NT5DC1: variants seen among roughly 807,000 people sequenced by gnomAD.
The protein encoded by NT5DC1 is 5'-nucleotidase domain-containing protein 1.
NT5DC1 carries 42 observed loss-of-function variants against 59.4 expected under a neutral mutation model. The observed-to-expected ratio is 0.71, with a 90% confidence interval of 0.55 to 0.92. The LOEUF is 0.92. Ranked by LOEUF, NT5DC1 falls within the 40% of genes least tolerant of loss-of-function variation. NT5DC1 has a pLI of 0.00. For synonymous variants in NT5DC1, 172 were observed against 188.1 expected (o/e 0.91, Z 0.70); for missense variants, 501 against 537.1 (o/e 0.93, Z 0.66).
intron 1 of NT5DC1, among the ~76,000 whole-genome samples, chr6:116,101,860 C>G (rs1778664424): frequency 6.6e-6 from 1 of 152,124 alleles, no homozygotes; most frequent in African/African-American, 2.4e-5. Flanking sequence ...AGCATCCAGA[C>G]AGAAAAAGAG....
chr6:116,115,814 C>A, intron 5 of NT5DC1, 44 bp downstream of exon 5: 2 of 975,248 alleles, frequency 2.1e-6, no homozygotes, highest in South Asian at 2.8e-5. Context: ...TGTAGTCAGT[C>A]ATAAATTGGA....
intron 6 of NT5DC1, among the ~76,000 whole-genome samples, chr6:116,213,655 A>G (rs971763989): frequency 2.0e-5 from 3 of 152,068 alleles, no homozygotes; most frequent in Non-Finnish European, 2.9e-5. Context: ...TAAATTTAAC[A>G]TCTGTTCTAT....
chr6:116,190,233 G>T (rs935387846), intron 6 of NT5DC1, among the ~76,000 whole-genome samples: 7 of 151,768 alleles, frequency 4.6e-5, no homozygotes, highest in Non-Finnish European at 7.4e-5. Flanking sequence ...AGCATTCCCT[G>T]AGCCAAAACA....
chr6:116,111,755 G>A (rs781300269), intron 4 of NT5DC1, among the ~76,000 whole-genome samples: 1 of 152,118 alleles, frequency 6.6e-6, no homozygotes, highest in Non-Finnish European at 1.5e-5. Flanking sequence ...TTGCTTGTTT[G>A]TTTTTATAGC....
At chr6:116,149,299 T>G (rs1436631111) in intron 6 of NT5DC1, among the ~76,000 whole-genome samples, 1 of 152,228 alleles carries the variant, frequency 6.6e-6, no homozygotes, top group Non-Finnish European at 1.5e-5. Context: ...TATGTTTTCA[T>G]CACTGCAAAA....
At chr6:116,145,887 G>A (rs151228695) in intron 6 of NT5DC1, among the ~76,000 whole-genome samples, 44 of 152,236 alleles carry the variant, frequency 2.9e-4, no homozygotes, top group Admixed American at 1.2e-3. Context: ...TTATGTGATG[G>A]TATTTGAGAG....
intron 1 of NT5DC1, among the ~76,000 whole-genome samples, chr6:116,101,732 C>T (rs796078981): frequency 2.0e-4 from 30 of 152,334 alleles, no homozygotes; most frequent in African/African-American, 7.0e-4. Context: ...ATGGAGTATG[C>T]ATGCTTCCAG....
Position 116,100,976 on chromosome 6 carries a change from G to T in NT5DC1, c.46G>T (p.Asp16Tyr). The T allele has an allele frequency of 6.2e-7, 1 of 1,605,388 alleles. No homozygotes were observed. The highest frequency in any genetic ancestry group is 1.4e-5 in the African/African-American group (1 of 73,340). The change falls in exon 1 of 12, where the codon GAC becomes TAC. Residue 16 changes from aspartate (D) to tyrosine (Y), a missense_variant. Transcript: ENST00000319550. ...GGCCGCCTGCGACGTGGTCGGATTC[G>T]ACCTGGACCACACTCTGTGTCGCTA... ...SLAACDVVGFDLDHTLCRYNL... is the reference protein window; with the variant it reads ...SLAACDVVGFYLDHTLCRYNL...
At position 116,233,477 on chromosome 6, in the gene NT5DC1, G is replaced by A. The variant is rs117247719; in HGVS notation, c.803-3489G>A. Among the ~76,000 whole-genome samples, 1,408 of 152,232 alleles carry A rather than the reference G, an allele frequency of 9.2e-3. 12 individuals carry two copies. The highest frequency in any genetic ancestry group is 0.015 in the Non-Finnish European group (999 of 68,008). ...TCCTAAGTGAGAATTGTTCGTTTGCGGGTGTCCTCAGGGATGCCAGATAAA... is the reference window on the plus strand; with the variant it reads ...TCCTAAGTGAGAATTGTTCGTTTGCAGGTGTCCTCAGGGATGCCAGATAAA... On this transcript the variant is annotated intron_variant, in intron 8 of 11. Transcript: ENST00000319550.
intron 6 of NT5DC1, among the ~76,000 whole-genome samples, chr6:116,178,052 AGTGTGTGTGTGTGTGTGTGTGTGTGT>A (rs61085607): frequency 1.5e-5 from 2 of 136,318 alleles, no homozygotes; most frequent in Non-Finnish European, 3.2e-5. Flanking sequence ...CAAAGAGGAA[AGTGTGTGTGTGTGTGTGTGTGTGTGT>A]GTGTGTGTGT....
chr6:116,245,989 C>G lies in NT5DC1; in HGVS notation c.*1965C>G, dbSNP rs377002426. On this transcript the variant is annotated 3_prime_UTR_variant, in exon 12 of 12. Transcript: ENST00000319550. The stretch of plus-strand genomic sequence containing the variant: ...TCCTTTCTAGCAGTCAGTATTTCTT[C>G]TAATGAATGTTTTTTTTCTGTAATT... 2.2e-3 allele frequency: 332 copies of G among 152,090 alleles called. 2 individuals are homozygous for G. The highest frequency in any genetic ancestry group is 7.6e-3 in the African/African-American group (316 of 41,518). The allele number at this position is 152,090 out of a possible 1,614,324, so 9.4% of individuals were successfully genotyped here. A position where few individuals can be genotyped will look rare whatever the true frequency, so the allele number is the denominator to read the frequency against.
chr6:116,144,216 A>ACCC (rs1779837153), intron 6 of NT5DC1, among the ~76,000 whole-genome samples: 1 of 152,142 alleles, frequency 6.6e-6, no homozygotes, highest in Non-Finnish European at 1.5e-5. Context: ...TTAAAGTGTA[A>ACCC]AAGGAGGCCA....
At chr6:116,164,260 G>A (rs536451778) in intron 6 of NT5DC1, among the ~76,000 whole-genome samples, 1 of 152,044 alleles carries the variant, frequency 6.6e-6, no homozygotes, top group African/African-American at 2.4e-5. Context: ...TATAAATCTG[G>A]GTGCTCTGGT....
chr6:116,134,114 A>G (rs1779532836), intron 6 of NT5DC1, among the ~76,000 whole-genome samples: 1 of 152,212 alleles, frequency 6.6e-6, no homozygotes, highest in African/African-American at 2.4e-5. Context: ...ATAAGTGGCA[A>G]AACAGTGCTT....
intron 6 of NT5DC1, among the ~76,000 whole-genome samples, chr6:116,154,501 C>T (rs1008722988): frequency 2.0e-5 from 3 of 151,898 alleles, no homozygotes; most frequent in African/African-American, 7.3e-5. Context: ...TTATGTTAAC[C>T]TTAATTTAAG....
At chr6:116,204,177 G>C (rs1468599899) in intron 6 of NT5DC1, among the ~76,000 whole-genome samples, 1 of 151,940 alleles carries the variant, frequency 6.6e-6, no homozygotes, top group Non-Finnish European at 1.5e-5. Flanking sequence ...CACTTCAGGA[G>C]TTAATACCAC....
chr6:116,189,461 T>C (rs928383901), intron 6 of NT5DC1, among the ~76,000 whole-genome samples: 1 of 151,978 alleles, frequency 6.6e-6, no homozygotes, highest in Non-Finnish European at 1.5e-5. Context: ...TACCTCCCTC[T>C]CATTTCTAAC....
At chr6:116,147,340 T>G (rs1779923485) in intron 6 of NT5DC1, among the ~76,000 whole-genome samples, 3 of 151,214 alleles carry the variant, frequency 2.0e-5, no homozygotes, top group Non-Finnish European at 4.4e-5. Flanking sequence ...TACCTGGGAG[T>G]CTGAGGCAGG....
At chr6:116,237,214 A>G (rs946930874) in intron 9 of NT5DC1, 130 bp downstream of exon 9, 3 of 661,792 alleles carry the variant, frequency 4.5e-6, no homozygotes, top group African/African-American at 1.8e-5. Context: ...CAGGCTGTCT[A>G]TCTGTGATAG....
Sources: allele counts gnomAD v4.1 joint callset (sites outside exome capture counted in the v4.1 genomes callset), GRCh38; gene constraint gnomAD v4.1.1; transcripts MANE v1.5; gene names NCBI Gene and HGNC (gene_info 2026-07-23, HGNC 2026-07-21).